Variants in SAMD13 observed in about 807,000 individuals in gnomAD.
SAMD13 encodes the protein sterile alpha motif domain containing 13, also known as sterile alpha motif domain-containing protein 13.
In SAMD13, 9 loss-of-function variants were observed where a neutral mutation model predicts 12.4. That is an observed-to-expected ratio of 0.72 (90% CI 0.44 to 1.26). The LOEUF is 1.26. Ranked by LOEUF, SAMD13 falls within the 50% of genes most tolerant of loss-of-function variation. The pLI is 0.00. For missense variants in SAMD13, 84 were observed against 119.6 expected (o/e 0.70, Z 1.39); for synonymous variants, 46 against 45.4 (o/e 1.01, Z -0.05).
chr1:84,335,268 G>A (rs755547022), intron 3 of SAMD13, among the ~76,000 whole-genome samples: 10 of 152,104 alleles, frequency 6.6e-5, no homozygotes, highest in Non-Finnish European at 1.2e-4. Flanking sequence ...ACATCTTCTT[G>A]TTGAATTGAG....
chr1:84,340,000 A>C lies in SAMD13; in HGVS notation c.166-9631A>C, dbSNP rs1054862484. ...TTTGTACATTGCTGGTAGAACTATA[A>C]AATGGTGCATCTGTTGTGGAAAATA... is the stretch of plus-strand genomic sequence containing the variant. On this transcript the variant is annotated intron_variant, in intron 3 of 3. Transcript: ENST00000394834. Among the ~76,000 whole-genome samples the C allele has an allele frequency of 2.0e-5, 3 of 152,208 alleles. No homozygotes were observed. In the South Asian group the frequency reaches 6.2e-4, roughly 32 times the overall value.
upstream of SAMD13, chr1:84,299,482 C>G (rs1678393600): frequency 1.8e-6 from 1 of 544,610 alleles, no homozygotes; most frequent in African/African-American, 2.0e-5. Context: ...CCCCCTCACC[C>G]CCACACACCA....
At chr1:84,316,135 A>G (rs189543359) in intron 2 of SAMD13, among the ~76,000 whole-genome samples, 25 of 152,258 alleles carry the variant, frequency 1.6e-4, no homozygotes, top group South Asian at 4.1e-4. Flanking sequence ...TATCAGATAT[A>G]TAGTTTGCAA....
intron 2 of SAMD13, among the ~76,000 whole-genome samples, chr1:84,310,268 G>A (rs557977901): frequency 2.0e-5 from 3 of 151,932 alleles, no homozygotes; most frequent in Non-Finnish European, 4.4e-5. Flanking sequence ...TTATAGTAGG[G>A]GGGTTCAAAC....
At chr1:84,347,697 C>T (rs1051491400) in intron 3 of SAMD13, among the ~76,000 whole-genome samples, 1 of 152,118 alleles carries the variant, frequency 6.6e-6, no homozygotes, top group Non-Finnish European at 1.5e-5. Flanking sequence ...CAAGACACAG[C>T]GTGAGCTTTA....
chr1:84,335,443 A>G (rs180899825), intron 3 of SAMD13, among the ~76,000 whole-genome samples: 8 of 152,092 alleles, frequency 5.3e-5, no homozygotes, highest in African/African-American at 1.9e-4. Context: ...GTGTCATTAC[A>G]TGTAAGATGG....
chr1:84,303,288 G>A lies in SAMD13; in HGVS notation c.53+1G>A. Reference sequence around the variant, plus strand: ...AAAATGGCTCTGTCGGTGTAAAAAAGTAAGTGAAGCTGGCTTCTGAGTTCT... The same window carrying A: ...AAAATGGCTCTGTCGGTGTAAAAAAATAAGTGAAGCTGGCTTCTGAGTTCT... On this transcript the variant is annotated splice_donor_variant, in intron 2 of 3. Coordinates refer to ENST00000394834, the MANE Select transcript of SAMD13 (RefSeq NM_001134663.2). LOFTEE classifies it high-confidence loss of function. 6.2e-7 allele frequency: 1 copy of A among 1,611,352 alleles called. No individual in the cohort carries two copies. The highest frequency in any genetic ancestry group is 8.5e-7 in the Non-Finnish European group (1 of 1,177,820).
At chr1:84,332,234 T>G (rs1016514606) in intron 3 of SAMD13, among the ~76,000 whole-genome samples, 1 of 152,164 alleles carries the variant, frequency 6.6e-6, no homozygotes, top group African/African-American at 2.4e-5. Flanking sequence ...ACTTACATTC[T>G]TTTGGGAATA....
intron 2 of SAMD13, among the ~76,000 whole-genome samples, chr1:84,318,332 AC>A (rs2101799175): frequency 6.6e-6 from 1 of 152,164 alleles, no homozygotes; most frequent in Admixed American, 6.5e-5. Context: ...GTCTCAAGAT[AC>A]TTTCCACTTT....
At chr1:84,348,913 G>A (rs1246390741) in intron 3 of SAMD13, among the ~76,000 whole-genome samples, 1 of 152,144 alleles carries the variant, frequency 6.6e-6, no homozygotes, top group Non-Finnish European at 1.5e-5. Flanking sequence ...TGATTTTTGG[G>A]TTGAGGCAGG....
At chr1:84,334,195 G>T (rs1367778122) in intron 3 of SAMD13, among the ~76,000 whole-genome samples, 2 of 151,830 alleles carry the variant, frequency 1.3e-5, no homozygotes, top group East Asian at 1.9e-4. Context: ...GGCTGCTTCT[G>T]GTTGGTAGGC....
chr1:84,323,571 G>A (rs777685261), intron 2 of SAMD13, among the ~76,000 whole-genome samples: 21 of 152,052 alleles, frequency 1.4e-4, no homozygotes, highest in East Asian at 3.8e-4. Flanking sequence ...ATGTGCCATC[G>A]ATCAGTGACT....
chr1:84,346,153 A>G (rs535641602), intron 3 of SAMD13, among the ~76,000 whole-genome samples: 2 of 152,362 alleles, frequency 1.3e-5, no homozygotes, highest in African/African-American at 4.8e-5. Flanking sequence ...TGAGGCTTAG[A>G]AAAATTCAGT....
At position 84,315,814 on chromosome 1, in the gene SAMD13, C is replaced by T. The variant is rs1383719336; in HGVS notation, c.54-9823C>T. Among the ~76,000 whole-genome samples the T allele has an allele frequency of 2.0e-5, 3 of 152,096 alleles. No homozygotes were observed. In the East Asian group the frequency reaches 5.8e-4, roughly 29 times the overall value. On this transcript the variant is annotated intron_variant, in intron 2 of 3. Transcript: ENST00000394834. ...ACAGTTCCATAGCAGCTTCCCCATT[C>T]TGCATTTCTACCATTTCTACCATAG...
At chr1:84,306,808 G>T (rs916986298) in intron 2 of SAMD13, among the ~76,000 whole-genome samples, 1 of 148,252 alleles carries the variant, frequency 6.7e-6, no homozygotes, top group Non-Finnish European at 1.5e-5. Context: ...TCCAGCCTGG[G>T]TGACAGTGAG....
intron 3 of SAMD13, among the ~76,000 whole-genome samples, chr1:84,342,924 A>G (rs112292375): frequency 0.13 from 20,113 of 151,958 alleles, 1,668 homozygotes; most frequent in Admixed American, 0.19. Flanking sequence ...CAGGTAACCT[A>G]TAGCGTGGGA....
intron 3 of SAMD13, among the ~76,000 whole-genome samples, chr1:84,326,798 G>T (rs113513282): frequency 0.014 from 2,164 of 152,228 alleles, 52 homozygotes; most frequent in South Asian, 0.041. Context: ...GCCTGAGTTT[G>T]GATAAGGTAA....
At chr1:84,340,140 T>TA (rs1255577382) in intron 3 of SAMD13, among the ~76,000 whole-genome samples, 1 of 152,242 alleles carries the variant, frequency 6.6e-6, no homozygotes, top group Non-Finnish European at 1.5e-5. Flanking sequence ...CTGTGGTTAT[T>TA]ACAGCATTGT....
chr1:84,348,677 T>A (rs760013466), intron 3 of SAMD13, among the ~76,000 whole-genome samples: 5 of 152,216 alleles, frequency 3.3e-5, no homozygotes, highest in African/African-American at 4.8e-5. Context: ...GATCCCCATC[T>A]CTTTTGTGAG....
Sources: gnomAD v4.1 joint callset for allele counts (sites outside exome capture counted in the v4.1 genomes callset) on GRCh38, gnomAD v4.1.1 for gene constraint, MANE v1.5 for transcripts, NCBI Gene and HGNC (gene_info 2026-07-23, HGNC 2026-07-21) for gene names.